TWIST2: variants seen among roughly 807,000 people sequenced by gnomAD.
TWIST2 encodes twist-related protein 2.
Under a neutral mutation model 11.6 loss-of-function variants are expected in TWIST2, and 1 was observed. The ratio of observed to expected loss-of-function variants is 0.09; its 90% CI spans 0.03 to 0.41. The LOEUF (loss-of-function observed/expected upper bound fraction) is 0.41, where lower values mean the gene tolerates loss of function less well. Ranked by LOEUF, TWIST2 falls within the 10% of genes least tolerant of loss-of-function variation. The pLI, the probability that TWIST2 is intolerant of heterozygous loss-of-function variation, is 0.98. For missense variants in TWIST2, 168 were observed against 226.4 expected, an observed-to-expected ratio of 0.74 and a Z score of 1.66; for synonymous variants, 87 against 96.6, an observed-to-expected ratio of 0.90 and a Z score of 0.58.
At chr2:238,873,553 G>T (rs995352939) in intron 1 of TWIST2, among the ~76,000 whole-genome samples, 1 of 152,194 alleles carries the variant, frequency 6.6e-6, no homozygotes, top group Non-Finnish European at 1.5e-5. Flanking sequence ...GCACGCATGA[G>T]CGCACACAAG....
rs1207285431 is a variant in TWIST2, at chr2:238,864,517, C to T, written c.*35+15784C>T. ...AGAGTGCAGGGTTGGAGGCGGCTCCCAGTTCCAAGGCGCGCCCCACCCGGC... is the reference window on the plus strand; with the variant it reads ...AGAGTGCAGGGTTGGAGGCGGCTCCTAGTTCCAAGGCGCGCCCCACCCGGC... On this transcript the variant is annotated intron_variant, in intron 1 of 1. Coordinates refer to ENST00000612363, the MANE Select transcript of TWIST2 (RefSeq NM_001271893.4). This position sits in a 1 kb window ranked among gnomAD's most constrained non-coding sequence, Gnocchi z 4.7. 6.6e-6 allele frequency among the ~76,000 whole-genome samples: 1 copy of T among 151,594 alleles called. No homozygotes were observed. The highest frequency in any genetic ancestry group is 2.4e-5 in the African/African-American group (1 of 41,246).
In TWIST2 at chr2:238,910,324, G is replaced by C. The variant is rs979836692; in HGVS notation, c.*518G>C. On this transcript the variant is annotated 3_prime_UTR_variant, in exon 2 of 2. Coordinates refer to ENST00000612363, the MANE Select transcript of TWIST2 (RefSeq NM_001271893.4). ...CCCTCCCCCGAGCCTCTGCATGATT[G>C]TTTCAAGTCAGCCTGGAATTCTTAC... 1 of 151,924 alleles carries C rather than the reference G, an allele frequency of 6.6e-6. No individual in the cohort carries two copies. The highest frequency in any genetic ancestry group is 1.5e-5 in the Non-Finnish European group (1 of 67,980). The allele number at this position is 151,924 out of a possible 1,614,324, so 9.4% of individuals were successfully genotyped here. A position where few individuals can be genotyped will look rare whatever the true frequency, so the allele number is the denominator to read the frequency against.
At chr2:238,907,733 CAT>C (rs1260040751) in intron 1 of TWIST2, among the ~76,000 whole-genome samples, 1 of 144,922 alleles carries the variant, frequency 6.9e-6, no homozygotes, top group African/African-American at 2.6e-5. Context: ...CAAACACACA[CAT>C]AAACGCACAC....
intron 1 of TWIST2, among the ~76,000 whole-genome samples, chr2:238,883,283 A>G (rs756024610): frequency 6.6e-6 from 1 of 152,192 alleles, no homozygotes; most frequent in East Asian, 1.9e-4. Context: ...TCGTGGAGAC[A>G]TGCAGGATCC....
intron 1 of TWIST2, among the ~76,000 whole-genome samples, chr2:238,876,164 G>A (rs1187579796): frequency 6.6e-6 from 1 of 152,194 alleles, no homozygotes; most frequent in African/African-American, 2.4e-5. Flanking sequence ...CCACACAGCC[G>A]CTTGGGAAGT....
intron 1 of TWIST2, among the ~76,000 whole-genome samples, chr2:238,856,207 C>T (rs745545865): frequency 6.6e-6 from 1 of 152,112 alleles, no homozygotes; most frequent in Non-Finnish European, 1.5e-5. Context: ...GTGGCCCATG[C>T]GAGCTGGCAG....
At chr2:238,894,191 T>C (rs1693180490) in intron 1 of TWIST2, among the ~76,000 whole-genome samples, 1 of 152,214 alleles carries the variant, frequency 6.6e-6, no homozygotes, top group Non-Finnish European at 1.5e-5. Flanking sequence ...AATCTGCCTC[T>C]GAAGCCCCCA....
At chr2:238,897,901 T>C (rs1693224121) in intron 1 of TWIST2, among the ~76,000 whole-genome samples, 1 of 152,154 alleles carries the variant, frequency 6.6e-6, no homozygotes, top group Admixed American at 6.5e-5. Context: ...CAGGAGGGAC[T>C]CTCCCGAGAG....
chr2:238,905,843 G>A (rs973615013), intron 1 of TWIST2, among the ~76,000 whole-genome samples: 13 of 109,066 alleles, frequency 1.2e-4, no homozygotes, highest in African/African-American at 5.8e-4. Context: ...TGAAAAAAGT[G>A]TGTGTGTGTG....
At chr2:238,859,603 C>A (rs992761384) in intron 1 of TWIST2, among the ~76,000 whole-genome samples, 6 of 151,788 alleles carry the variant, frequency 4.0e-5, no homozygotes, top group Non-Finnish European at 1.5e-5. Context: ...CTTCCCAGAC[C>A]ATGTGCATCT....
At chr2:238,906,948 T>C (rs1693363952) in intron 1 of TWIST2, among the ~76,000 whole-genome samples, 1 of 152,250 alleles carries the variant, frequency 6.6e-6, no homozygotes, top group African/African-American at 2.4e-5. Flanking sequence ...CCGCGAGCTC[T>C]GCAGGTCAAC....
At chr2:238,871,948 A>G (rs1382006972) in intron 1 of TWIST2, among the ~76,000 whole-genome samples, 1 of 152,172 alleles carries the variant, frequency 6.6e-6, no homozygotes, top group African/African-American at 2.4e-5. Flanking sequence ...GAGAGGAGAA[A>G]AAGAGTTCTG....
At chr2:238,881,678 G>A (rs1248548972) in intron 1 of TWIST2, among the ~76,000 whole-genome samples, 1 of 152,096 alleles carries the variant, frequency 6.6e-6, no homozygotes, top group Non-Finnish European at 1.5e-5. Flanking sequence ...CTGGTGTCCT[G>A]GGTCTGAGCT....
chr2:238,890,958 G>C (rs967630594), intron 1 of TWIST2, among the ~76,000 whole-genome samples: 1 of 152,102 alleles, frequency 6.6e-6, no homozygotes, highest in Non-Finnish European at 1.5e-5. Flanking sequence ...CCTGCACCCC[G>C]GGACCTTGCC....
rs780033115 is a variant in TWIST2 at position 238,861,718 on chromosome 2, G to A, written c.*35+12985G>A. Among the ~76,000 whole-genome samples, 8 of 152,184 alleles carry A rather than the reference G, an allele frequency of 5.3e-5. No individual in the cohort carries two copies. In the East Asian group the frequency reaches 5.8e-4, roughly 11 times the overall value. On this transcript the variant is annotated intron_variant, in intron 1 of 1. Coordinates refer to ENST00000612363, the MANE Select transcript of TWIST2 (RefSeq NM_001271893.4). ...TGGTGAATCCCGTTACAGCCGTCCC[G>A]TTTATCCATGGTTTCGCTTTTCGAA...
chr2:238,874,612 T>C lies in TWIST2; in HGVS notation c.*35+25879T>C, dbSNP rs149247752. Among the ~76,000 whole-genome samples, 1,487 of 152,324 alleles carry C rather than the reference T, an allele frequency of 9.8e-3. 30 individuals are homozygous for C. Among genetic ancestry groups the C allele is most frequent in the African/African-American group, 0.033 (1,371 of 41,572 alleles). On this transcript the variant is annotated intron_variant, in intron 1 of 1. Transcript: ENST00000612363. ...ACTAAAAATCTTTAATATTACATAGTACATACATTCGTTCACCAGACATAG... is the reference window on the plus strand; with the variant it reads ...ACTAAAAATCTTTAATATTACATAGCACATACATTCGTTCACCAGACATAG...
At chr2:238,868,327 C>A (rs186515439) in intron 1 of TWIST2, among the ~76,000 whole-genome samples, 1 of 152,180 alleles carries the variant, frequency 6.6e-6, no homozygotes, top group Non-Finnish European at 1.5e-5. Flanking sequence ...GAGCCCCCCG[C>A]CCCCCAGCCT....
At chr2:238,862,413 A>G (rs530325285) in intron 1 of TWIST2, among the ~76,000 whole-genome samples, 6 of 152,354 alleles carry the variant, frequency 3.9e-5, no homozygotes, top group South Asian at 4.1e-4. Flanking sequence ...TGGGCAAAAA[A>G]TATGAATTCA....
At chr2:238,885,064 G>A (rs1693008666) in intron 1 of TWIST2, among the ~76,000 whole-genome samples, 1 of 152,192 alleles carries the variant, frequency 6.6e-6, no homozygotes. Context: ...TGGTCCGTTA[G>A]GAGCTTCTGC....
Sources: gnomAD v4.1 joint callset for allele counts (sites outside exome capture counted in the v4.1 genomes callset) on GRCh38, gnomAD v4.1.1 for gene constraint, Gnocchi (gnomAD v3.1) non-coding constraint, MANE v1.5 for transcripts, NCBI Gene and HGNC (gene_info 2026-07-23, HGNC 2026-07-21) for gene names.